Variants in KIF1A observed in about 807,000 individuals in gnomAD.
The protein encoded by KIF1A is kinesin-like protein KIF1A.
KIF1A carries 46 observed loss-of-function variants against 227.3 expected under a neutral mutation model. The ratio of observed to expected loss-of-function variants is 0.20; its 90% CI spans 0.16 to 0.26. The LOEUF (loss-of-function observed/expected upper bound fraction) is 0.26, where lower values mean the gene tolerates loss of function less well. Ranked by LOEUF, KIF1A falls within the 10% of genes least tolerant of loss-of-function variation. The pLI, the probability that KIF1A is intolerant of heterozygous loss-of-function variation, is 1.00. For missense variants in KIF1A, 1,683 were observed against 2,485.9 expected, an observed-to-expected ratio of 0.68 and a Z score of 6.87; for synonymous variants, 1,022 against 1,012.8, an observed-to-expected ratio of 1.01 and a Z score of -0.17.
At chr2:240,722,386 T>C (rs566908942) in intron 43 of KIF1A, 70 bp downstream of exon 43, 114 of 1,443,654 alleles carry the variant, frequency 7.9e-5, no homozygotes, top group East Asian at 2.7e-4. Context: ...GTTGCTGGAG[T>C]TGCCCAGAAA....
intron 1 of KIF1A, among the ~76,000 whole-genome samples, chr2:240,819,792 C>T (rs2058598345): frequency 6.6e-6 from 1 of 152,080 alleles, no homozygotes; most frequent in Admixed American, 6.5e-5. Flanking sequence ...CCGATCCCGC[C>T]GGCCGGGCGA....
At chr2:240,818,344 C>T (rs1005009698) in intron 1 of KIF1A, among the ~76,000 whole-genome samples, 3 of 152,222 alleles carry the variant, frequency 2.0e-5, no homozygotes, top group African/African-American at 2.4e-5. Flanking sequence ...CGCTGGGCCC[C>T]TCAGCCAGCG....
chr2:240,773,166 C>G lies in KIF1A; in HGVS notation c.1128G>C (p.Val376=), dbSNP rs763073869. 3 of 1,613,980 alleles carry G rather than the reference C, an allele frequency of 1.9e-6. No homozygotes were observed. Among genetic ancestry groups the G allele is most frequent in the Middle Eastern group, 3.3e-4 (2 of 6,060 alleles). The change falls in exon 13 of 49, where the codon GTG becomes GTC. Residue 376 remains valine, a synonymous_variant. Transcript: ENST00000498729. ...CGTACAGAAGGTCCCGCAGCCGGGTCACCTCATCCTTCAGCTCGCGGATCA... is the reference window on the plus strand; with the variant it reads ...CGTACAGAAGGTCCCGCAGCCGGGTGACCTCATCCTTCAGCTCGCGGATCA... ...NKLIRELKDE[V]TRLRDLLYAQ...
chr2:240,756,767 G>C (rs1575580547), intron 27 of KIF1A, among the ~76,000 whole-genome samples: 1 of 152,254 alleles, frequency 6.6e-6, no homozygotes, highest in Non-Finnish European at 1.5e-5. Context: ...TTTCCCCAAA[G>C]AGAGTGGAGA....
At chr2:240,799,331 G>A (rs890196479) in intron 1 of KIF1A, among the ~76,000 whole-genome samples, 1 of 152,192 alleles carries the variant, frequency 6.6e-6, no homozygotes, top group Non-Finnish European at 1.5e-5. Flanking sequence ...CCACTCCCAG[G>A]CTCCCCAGAA....
intron 20 of KIF1A, among the ~76,000 whole-genome samples, chr2:240,764,264 G>A (rs946242751): frequency 2.6e-5 from 4 of 152,098 alleles, no homozygotes; most frequent in East Asian, 1.9e-4. Context: ...AGCCCACCTC[G>A]GACACTGGGA....
intron 1 of KIF1A, among the ~76,000 whole-genome samples, chr2:240,809,836 T>C (rs1371097768): frequency 6.6e-6 from 1 of 151,916 alleles, no homozygotes; most frequent in Admixed American, 6.6e-5. Flanking sequence ...TGTATACCTT[T>C]GTAACAAACC....
intron 2 of KIF1A, among the ~76,000 whole-genome samples, chr2:240,791,237 C>T (rs2055632164): frequency 6.6e-6 from 1 of 152,082 alleles, no homozygotes; most frequent in South Asian, 2.1e-4. Flanking sequence ...GCACCCGTGG[C>T]GCCGCCTCCA....
chr2:240,769,942 C>A (rs979161423), intron 15 of KIF1A, among the ~76,000 whole-genome samples: 1 of 152,204 alleles, frequency 6.6e-6, no homozygotes, highest in African/African-American at 2.4e-5. Flanking sequence ...AAAAGAGAAG[C>A]AAATGCTCCT....
chr2:240,769,590 AC>A, intron 16 of KIF1A, 36 bp downstream of exon 16: 2 of 1,573,100 alleles, frequency 1.3e-6, no homozygotes, highest in Non-Finnish European at 1.7e-6. Flanking sequence ...TGCTGGCTGC[AC>A]CCCTCCCCCT....
intron 14 of KIF1A, among the ~76,000 whole-genome samples, chr2:240,771,865 C>CTG (rs2052046153): frequency 6.6e-6 from 1 of 152,194 alleles, no homozygotes; most frequent in East Asian, 1.9e-4. Flanking sequence ...GGAGGTGGGG[C>CTG]TGTGACATCT....
chr2:240,787,818 G>A (rs2055139890), intron 4 of KIF1A, among the ~76,000 whole-genome samples: 2 of 152,186 alleles, frequency 1.3e-5, no homozygotes, highest in South Asian at 4.1e-4. Context: ...CATGATCAAG[G>A]TGGACCCTGT....
At chr2:240,813,061 G>A (rs1575678500) in intron 1 of KIF1A, among the ~76,000 whole-genome samples, 2 of 150,496 alleles carry the variant, frequency 1.3e-5, no homozygotes, top group South Asian at 4.2e-4. Flanking sequence ...TTAGACAAGT[G>A]GCCCGCCATG....
chr2:240,719,291 C>T, intron 46 of KIF1A, 93 bp from the exon 47 acceptor site: 9 of 1,364,906 alleles, frequency 6.6e-6, no homozygotes, highest in Non-Finnish European at 8.9e-6. Flanking sequence ...TGGGACGCAG[C>T]AGTGCCAACC....
At position 240,771,013 on chromosome 2, in the gene KIF1A, G is replaced by C. The variant is rs753106892; in HGVS notation, c.1299C>G (p.Ile433Met). The C allele has an allele frequency of 1.9e-6, 3 of 1,612,916 alleles. No individual in the cohort carries two copies. Among genetic ancestry groups the C allele is most frequent in the Non-Finnish European group, 2.5e-6 (3 of 1,179,856 alleles). Residue 433 changes from isoleucine (I) to methionine (M), a missense_variant, in exon 15 of 49, where the codon ATC (isoleucine) becomes ATG (methionine). By Grantham distance (10) the Ile-to-Met change is conservative. Around this residue, in one of 12 missense-constraint regions of KIF1A, gnomAD observed 110 missense variants for 133.1 expected, o/e 0.83. Coordinates refer to ENST00000498729, the MANE Select transcript of KIF1A (RefSeq NM_001244008.2). ...CCTCCTCGCTGCCCGGGGCAAACAA[G>C]ATGCGCTCGTGGAGGCTGGACACGG... ...AASVSSLHER[I>M]LFAPGSEEAI...
At chr2:240,754,806 A>G (rs2049639533) in intron 27 of KIF1A, among the ~76,000 whole-genome samples, 1 of 151,820 alleles carries the variant, frequency 6.6e-6, no homozygotes, top group African/African-American at 2.4e-5. Context: ...TGCTACAAAT[A>G]CCAAGACAGA....
At position 240,716,606 on chromosome 2, in the gene KIF1A, C is replaced by G. The variant is rs2044619812; in HGVS notation, c.*758G>C. The G allele has an allele frequency of 6.6e-6, 1 of 152,328 alleles. No individual in the cohort carries two copies. Among genetic ancestry groups the G allele is most frequent in the Non-Finnish European group, 1.5e-5 (1 of 68,048 alleles). The allele number at this position is 152,328 out of a possible 1,614,324, so 9.4% of individuals were successfully genotyped here. A position where few individuals can be genotyped will look rare whatever the true frequency, so the allele number is the denominator to read the frequency against. The stretch of plus-strand genomic sequence containing the variant: ...CCTGGGGAAAGCTGCCGGAACTCTT[C>G]TTGGAGTCACTCCTCAGGTGGCCGC... On this transcript the variant is annotated 3_prime_UTR_variant, in exon 49 of 49. Transcript: ENST00000498729.
At chr2:240,786,773 T>G (rs374041397) in intron 5 of KIF1A, among the ~76,000 whole-genome samples, 59 of 58,226 alleles carry the variant, frequency 1.0e-3, no homozygotes, top group African/African-American at 2.1e-3. Context: ...GGGGCCACCA[T>G]CAGGACCCCT....
chr2:240,776,892 A>T (rs2052798399), intron 10 of KIF1A, among the ~76,000 whole-genome samples: 1 of 152,204 alleles, frequency 6.6e-6, no homozygotes, highest in Non-Finnish European at 1.5e-5. Context: ...ACTCCCAGTC[A>T]AAGGGGGTCC....
Sources: allele counts gnomAD v4.1 joint callset (sites outside exome capture counted in the v4.1 genomes callset), GRCh38; gene constraint gnomAD v4.1.1; regional missense constraint gnomAD v4.1.1; transcripts MANE v1.5; gene names NCBI Gene and HGNC (gene_info 2026-07-23, HGNC 2026-07-21).